Variants in RETREG2 observed in about 807,000 individuals in gnomAD.
The protein encoded by RETREG2 is reticulophagy regulator family member 2.
In RETREG2, 21 loss-of-function variants were observed where a neutral mutation model predicts 51.6. The ratio of observed to expected loss-of-function variants is 0.41; its 90% CI spans 0.29 to 0.59. The LOEUF (loss-of-function observed/expected upper bound fraction) is 0.59. RETREG2 is among the 20% of genes least tolerant of loss of function. The pLI is 0.34. For missense variants in RETREG2, 674 were observed against 646.0 expected, an observed-to-expected ratio of 1.04 and a Z score of -0.47; for synonymous variants, 339 against 288.6, an observed-to-expected ratio of 1.17 and a Z score of -1.77.
Position 219,180,817 on chromosome 2 carries a change from C to G in RETREG2, c.640+63C>G, listed in dbSNP as rs1171115413. On this transcript the variant is annotated intron_variant, in intron 5 of 8. Coordinates refer to ENST00000430297, the MANE Select transcript of RETREG2 (RefSeq NM_024293.6). ...TCCTTTCTTCTTTCCTTGGACTGAC[C>G]CAGAGGGAAGACTATGCTCTCTCTG... is the stretch of plus-strand genomic sequence containing the variant. The G allele has an allele frequency of 7.1e-6, 11 of 1,557,404 alleles. No homozygotes were observed. The Admixed American group carries it at 1.8e-4, about 26-fold the overall frequency.
At position 219,179,716 on chromosome 2, in the gene RETREG2, C is replaced by G; in HGVS notation, c.389-17C>G. On this transcript the variant is annotated splice_polypyrimidine_tract_variant and intron_variant, in intron 2 of 8. Transcript: ENST00000430297. ...GCCCCTACCACTCAATAATTTGCCC[C>G]CCTCCTCTCTCTCTAGCATCATCCC... 1 of 1,613,832 alleles carries G rather than the reference C, an allele frequency of 6.2e-7. No individual in the cohort carries two copies.
intron 1 of RETREG2, 45 bp downstream of exon 1, chr2:219,178,678 G>A (rs1318495300): frequency 7.0e-6 from 10 of 1,419,470 alleles, no homozygotes; most frequent in South Asian, 4.5e-5. Context: ...GAGCGGGGGA[G>A]GGAGGGGTCG....
At chr2:219,181,989 C>T (rs1385425094) in intron 8 of RETREG2, 24 bp from the exon 9 acceptor site, 15 of 1,607,784 alleles carry the variant, frequency 9.3e-6, no homozygotes, top group Non-Finnish European at 1.2e-5. Context: ...CAGGCCCATT[C>T]TTAATTCTTT....
chr2:219,180,147 A>T lies in RETREG2; in HGVS notation c.457A>T (p.Ser153Cys), dbSNP rs1950257518. 1 of 1,614,124 alleles carries T rather than the reference A, an allele frequency of 6.2e-7. No individual in the cohort carries two copies. Among genetic ancestry groups the T allele is most frequent in the Non-Finnish European group, 8.5e-7 (1 of 1,179,998 alleles). ...AGSGARPHLLSVPELCRYLAE... is the reference protein window; with the variant it reads ...AGSGARPHLLCVPELCRYLAE... The stretch of plus-strand genomic sequence containing the variant: ...GTCAGGCGCCCGGCCGCACCTGCTG[A>T]GTGTGCCCGAGTTGTGCAGATACCT... Residue 153 changes from serine to cysteine, a missense_variant, in exon 4 of 9, where the codon AGT (serine) becomes TGT (cysteine). Physicochemically the swap from Ser to Cys is moderately radical, Grantham distance 112. Coordinates refer to ENST00000430297, the MANE Select transcript of RETREG2 (RefSeq NM_024293.6).
Position 219,184,506 on chromosome 2 carries a change from C to T in RETREG2, c.*1877C>T, listed in dbSNP as rs1950323531. 1 of 152,188 alleles carries T rather than the reference C, an allele frequency of 6.6e-6. No homozygotes were observed. Among genetic ancestry groups the T allele is most frequent in the Non-Finnish European group, 1.5e-5 (1 of 68,042 alleles). 9.4% of individuals were successfully genotyped at this position (152,188 alleles called of 1,614,324 possible). On this transcript the variant is annotated 3_prime_UTR_variant, in exon 9 of 9. Coordinates refer to ENST00000430297, the MANE Select transcript of RETREG2 (RefSeq NM_024293.6). Reference sequence around the variant, plus strand: ...TGTAAGAATTTTTCTGTTTGCTTCACATTTGACTGAGAATCATTCTAGGGT... The same window carrying T: ...TGTAAGAATTTTTCTGTTTGCTTCATATTTGACTGAGAATCATTCTAGGGT...
Position 219,182,470 on chromosome 2 carries a change from C to T in RETREG2, c.1473C>T (p.Asp491=). 6.2e-7 allele frequency: 1 copy of T among 1,613,990 alleles called. No individual in the cohort carries two copies. The highest frequency in any genetic ancestry group is 8.5e-7 in the Non-Finnish European group (1 of 1,179,982). The stretch of plus-strand genomic sequence containing the variant: ...AAGAAGAGGCACTCACCACTGAGGA[C>T]TTTGAGTTGCTGGATCAGGGGGAGC... The part of the protein sequence containing the change: ...PEEEEALTTE[D]FELLDQGELE... Residue 491 remains aspartate (D), a synonymous_variant, in exon 9 of 9, where the codon GAC becomes GAT. Coordinates refer to ENST00000430297, the MANE Select transcript of RETREG2 (RefSeq NM_024293.6).
In RETREG2 at chr2:219,179,742, C is replaced by T; in HGVS notation, c.398C>T (p.Pro133Leu). Residue 133 changes from proline (P) to leucine (L), a missense_variant, in exon 3 of 9, where the codon CCA becomes CTA. Coordinates refer to ENST00000430297, the MANE Select transcript of RETREG2 (RefSeq NM_024293.6). ...RFLPDVSASS[P>L]EEPHSDSEGA... Reference sequence around the variant, plus strand: ...CCTCCTCTCTCTCTAGCATCATCCCCAGAGGAGCCACACTCTGACAGGTGA... The same window carrying T: ...CCTCCTCTCTCTCTAGCATCATCCCTAGAGGAGCCACACTCTGACAGGTGA... The T allele has an allele frequency of 6.2e-7, 1 of 1,614,098 alleles. No individual in the cohort carries two copies. Among genetic ancestry groups the T allele is most frequent in the Middle Eastern group, 1.6e-4 (1 of 6,062 alleles).
Position 219,182,122 on chromosome 2 carries a change from T to G in RETREG2, c.1125T>G (p.Pro375=). The change falls in exon 9 of 9, where the codon CCT becomes CCG. Residue 375 remains proline, a synonymous_variant. Transcript: ENST00000430297. ...LAPPEDLLGR[P]QALSRQALDS... ...CTCCCGAAGACCTACTAGGCCGTCC[T>G]CAAGCTCTGTCAAGGCAAGCCCTGG... 8 of 1,614,112 alleles carry G rather than the reference T, an allele frequency of 5.0e-6. No individual in the cohort carries two copies. The highest frequency in any genetic ancestry group is 6.8e-6 in the Non-Finnish European group (8 of 1,180,004).
Position 219,182,760 on chromosome 2 carries a change from C to T in RETREG2, c.*131C>T. 9.6e-7 allele frequency: 1 copy of T among 1,040,368 alleles called. No homozygotes were observed. Among genetic ancestry groups the T allele is most frequent in the South Asian group, 1.5e-5 (1 of 64,960 alleles). 64.4% of individuals were successfully genotyped at this position (1,040,368 alleles called of 1,614,324 possible). The stretch of plus-strand genomic sequence containing the variant: ...AGCTGGCTGTCGGATGGTAGCTATT[C>T]CACCCTCTGCCTGCCTGCCTGCCTG... On this transcript the variant is annotated 3_prime_UTR_variant, in exon 9 of 9. Transcript: ENST00000430297.
At chr2:219,180,576 C>A (rs977186178) in intron 4 of RETREG2, 94 bp from the exon 5 acceptor site, 15 of 1,598,778 alleles carry the variant, frequency 9.4e-6, no homozygotes, top group African/African-American at 1.3e-5. Flanking sequence ...GAGTACATAC[C>A]CATCCTTCTA....
chr2:219,182,146 G>A lies in RETREG2; in HGVS notation c.1149G>A (p.Leu383=). The change falls in exon 9 of 9, where the codon CTG becomes CTA. Residue 383 remains leucine (L), a synonymous_variant. Transcript: ENST00000430297. ...GRPQALSRQA[L]DSEEEEEDVA... ...CTCAAGCTCTGTCAAGGCAAGCCCT[G>A]GACTCGGAGGAAGAGGAAGAGGATG... 4 of 1,614,050 alleles carry A rather than the reference G, an allele frequency of 2.5e-6. No individual in the cohort carries two copies. The highest frequency in any genetic ancestry group is 2.5e-6 in the Non-Finnish European group (3 of 1,180,020).
intron 7 of RETREG2, 44 bp downstream of exon 7, chr2:219,181,507 G>A (rs750584717): frequency 6.2e-7 from 1 of 1,609,196 alleles, no homozygotes; most frequent in Non-Finnish European, 8.5e-7. Context: ...AAAGCCAGAG[G>A]AAAAATCTTT....
chr2:219,181,138 G>A lies in RETREG2; in HGVS notation c.717G>A (p.Leu239=). 1 of 1,614,114 alleles carries A rather than the reference G, an allele frequency of 6.2e-7. No individual in the cohort carries two copies. The highest frequency in any genetic ancestry group is 8.5e-7 in the Non-Finnish European group (1 of 1,180,016). ...GGATGTACACTCGCCTGGAGCCCCT[G>A]CTCATGCAGCTGGACTACAGCATGA... ...IQRMYTRLEP[L]LMQLDYSMKA... is the part of the protein sequence containing the mutation. The change falls in exon 6 of 9, where the codon CTG becomes CTA. Residue 239 remains leucine, a synonymous_variant. Coordinates refer to ENST00000430297, the MANE Select transcript of RETREG2 (RefSeq NM_024293.6).
In RETREG2 at chr2:219,184,709, G is replaced by T. The variant is rs1950325730; in HGVS notation, c.*2080G>T. 6.6e-6 allele frequency: 1 copy of T among 151,992 alleles called. No individual in the cohort carries two copies. Among genetic ancestry groups the T allele is most frequent in the Non-Finnish European group, 1.5e-5 (1 of 68,006 alleles). The allele number at this position is 151,992 out of a possible 1,614,324, so 9.4% of individuals were successfully genotyped here. On this transcript the variant is annotated 3_prime_UTR_variant, in exon 9 of 9. Transcript: ENST00000430297. The stretch of plus-strand genomic sequence containing the variant: ...TTAATCTATTTTCTTATTAAGCTTG[G>T]ACATTGACAATAGAACCAGAAGCTT...
rs1950217339 is a variant in RETREG2 at position 219,178,343 on chromosome 2, C to T, written c.-10C>T. 2.5e-6 allele frequency: 1 copy of T among 407,336 alleles called. No homozygotes were observed. Among genetic ancestry groups the T allele is most frequent in the Non-Finnish European group, 4.3e-6 (1 of 232,082 alleles). The allele number at this position is 407,336 out of a possible 1,614,324, so 25.2% of individuals were successfully genotyped here. On this transcript the variant is annotated 5_prime_UTR_variant, in exon 1 of 9. Coordinates refer to ENST00000430297, the MANE Select transcript of RETREG2 (RefSeq NM_024293.6). ...TCCTCGCGGGCTCGGGCGGCGGCTG[C>T]GGCGGGGCTATGGCGAGCGGCGGTG... is the stretch of plus-strand genomic sequence containing the variant.
intron 4 of RETREG2, 29 bp downstream of exon 4, chr2:219,180,274 C>T (rs372881719): frequency 9.3e-6 from 15 of 1,613,534 alleles, no homozygotes; most frequent in Non-Finnish European, 1.3e-5. Flanking sequence ...TACAACAGTT[C>T]ACTACACTGA....
rs1194375778 is a variant in RETREG2 at position 219,178,561 on chromosome 2, C to T, written c.209C>T (p.Ala70Val). The T allele has an allele frequency of 4.1e-6, 6 of 1,451,796 alleles. No homozygotes were observed. The Admixed American group carries it at 1.0e-4, about 25-fold the overall frequency. The allele number at this position is 1,451,796 out of a possible 1,614,324, so 89.9% of individuals were successfully genotyped here. A position where few individuals can be genotyped will look rare whatever the true frequency, so the allele number is the denominator to read the frequency against. The stretch of plus-strand genomic sequence containing the variant: ...GGCTGGGAGGCGGTGCTGGCGGCGG[C>T]GCAGCGGTTGCTGGTGTGGGAGAAG... The part of the protein sequence containing the change: ...LRGWEAVLAA[A>V]QRLLVWEKPL... The change falls in exon 1 of 9, where the codon GCG (alanine) becomes GTG (valine). Residue 70 changes from alanine (A) to valine (V), a missense_variant. Coordinates refer to ENST00000430297, the MANE Select transcript of RETREG2 (RefSeq NM_024293.6).
At chr2:219,179,985 C>T in intron 3 of RETREG2, 125 bp from the exon 4 acceptor site, 1 of 1,363,816 alleles carries the variant, frequency 7.3e-7, no homozygotes, top group Non-Finnish European at 1.0e-6. Flanking sequence ...CCAGGACAGC[C>T]TCCTTTTGAG....
chr2:219,182,280 G>T lies in RETREG2; in HGVS notation c.1283G>T (p.Gly428Val). The change falls in exon 9 of 9, where the codon GGA (glycine) becomes GTA (valine). Residue 428 changes from glycine to valine, a missense_variant. By Grantham distance (109) the Gly-to-Val change is moderately radical (BLOSUM62 -3). Transcript: ENST00000430297. ...PPDGVKCSPG[G>V]PVETLSPETV... ...GATGGAGTGAAATGCTCCCCTGGAG[G>T]ACCAGTGGAGACACTGAGCCCCGAG... 6.2e-7 allele frequency: 1 copy of T among 1,614,108 alleles called. No homozygotes were observed. Among genetic ancestry groups the T allele is most frequent in the Non-Finnish European group, 8.5e-7 (1 of 1,180,000 alleles).
Sources: allele counts gnomAD v4.1 joint callset, GRCh38; gene constraint gnomAD v4.1.1; transcripts MANE v1.5; gene names NCBI Gene and HGNC (gene_info 2026-07-23, HGNC 2026-07-21).